Variants in MROH1 observed in about 807,000 individuals in gnomAD.
MROH1 encodes maestro heat like repeat family member 1, also known as maestro heat-like repeat-containing protein family member 1.
MROH1 carries 117 observed loss-of-function variants against 116.5 expected under a neutral mutation model. The ratio of observed to expected loss-of-function variants is 1.00; its 90% CI spans 0.86 to 1.17. The LOEUF (loss-of-function observed/expected upper bound fraction) is 1.17, where lower values mean the gene tolerates loss of function less well. Ranked by LOEUF, MROH1 falls within the 50% of genes most tolerant of loss-of-function variation. The pLI is 0.00. For missense variants in MROH1, 1,873 were observed against 1,338.5 expected (o/e 1.40, Z -6.23); for synonymous variants, 921 against 583.9 (o/e 1.58, Z -8.32).
chr8:144,233,352 C>T (rs1839315458), intron 14 of MROH1, among the ~76,000 whole-genome samples: 1 of 149,536 alleles, frequency 6.7e-6, no homozygotes. Flanking sequence ...CTGCACCCAC[C>T]ATCAACCTTC....
chr8:144,227,159 C>T (rs893771031), intron 14 of MROH1, among the ~76,000 whole-genome samples: 1 of 152,142 alleles, frequency 6.6e-6, no homozygotes, highest in Non-Finnish European at 1.5e-5. Context: ...TTGGGATTTT[C>T]TACATAGAGC....
chr8:144,193,015 A>T (rs982564874), intron 10 of MROH1: 2 of 180,580 alleles, frequency 1.1e-5, no homozygotes, highest in South Asian at 1.0e-4. Flanking sequence ...TCTGCAAGGA[A>T]ACTTTCTGAA....
chr8:144,173,493 C>G (rs1339470884), intron 4 of MROH1, among the ~76,000 whole-genome samples: 1 of 151,164 alleles, frequency 6.6e-6, no homozygotes, highest in East Asian at 1.9e-4. Flanking sequence ...ATGGCGCAAA[C>G]CGGCTCGCTG....
chr8:144,181,002 G>C (rs1380999090), intron 7 of MROH1, among the ~76,000 whole-genome samples: 2 of 152,136 alleles, frequency 1.3e-5, no homozygotes, highest in African/African-American at 2.4e-5. Flanking sequence ...CCTGGACCTT[G>C]GTTTCCCCTG....
At chr8:144,173,396 T>A (rs1822988981) in intron 4 of MROH1, among the ~76,000 whole-genome samples, 1 of 148,228 alleles carries the variant, frequency 6.7e-6, no homozygotes, top group Non-Finnish European at 1.5e-5. Context: ...GATTCTTCTT[T>A]TTTATTTATT....
intron 7 of MROH1, among the ~76,000 whole-genome samples, chr8:144,181,103 G>A (rs1174031318): frequency 6.6e-6 from 1 of 152,158 alleles, no homozygotes; most frequent in African/African-American, 2.4e-5. Context: ...TACCCTTAGT[G>A]CCCTCACAGC....
At chr8:144,201,595 T>C (rs904476447) in intron 12 of MROH1, among the ~76,000 whole-genome samples, 4 of 152,214 alleles carry the variant, frequency 2.6e-5, no homozygotes, top group Non-Finnish European at 5.9e-5. Context: ...ATTTTCTGTC[T>C]GCCCTTTCAG....
chr8:144,202,795 G>GA (rs1831645347), intron 12 of MROH1, among the ~76,000 whole-genome samples: 2 of 94,522 alleles, frequency 2.1e-5, no homozygotes, highest in African/African-American at 4.0e-5. Flanking sequence ...GGGGCTGGGA[G>GA]GGAAGCGCAG....
Position 144,168,320 on chromosome 8 carries a change from C to T in MROH1, c.48C>T (p.Ala16=), listed in dbSNP as rs757774768. ...MKKLASTLLD[A]ITDKDPLVQE... ...AGCTGGCCTCCACCCTGCTGGACGC[C>T]ATCACCGATAAGGACCCCCTGGTGC... The change falls in exon 4 of 44, where the codon GCC becomes GCT. Residue 16 remains alanine (A), a synonymous_variant. Coordinates refer to ENST00000326134, the MANE Select transcript of MROH1 (RefSeq NM_032450.3). 71 of 1,608,146 alleles carry T rather than the reference C, an allele frequency of 4.4e-5. No homozygotes were observed. The highest frequency in any genetic ancestry group is 5.3e-5 in the Non-Finnish European group (62 of 1,179,188).
chr8:144,245,064 G>C, intron 28 of MROH1, 92 bp from the exon 29 acceptor site: 1 of 772,492 alleles, frequency 1.3e-6, no homozygotes, highest in Admixed American at 1.7e-5. Context: ...AGGATGGCCT[G>C]GCAGGGACAC....
rs1843439001 is a variant in MROH1 at position 144,254,984 on chromosome 8, T to C, written c.3594+6T>C. 1.1e-5 allele frequency: 8 copies of C among 749,698 alleles called. No homozygotes were observed. Among genetic ancestry groups the C allele is most frequent in the East Asian group, 7.5e-5 (3 of 39,838 alleles). The allele number at this position is 749,698 out of a possible 1,614,324, so 46.4% of individuals were successfully genotyped here. A position where few individuals can be genotyped will look rare whatever the true frequency, so the allele number is the denominator to read the frequency against. On this transcript the variant is annotated splice_donor_region_variant and intron_variant, in intron 34 of 43. Coordinates refer to ENST00000326134, the MANE Select transcript of MROH1 (RefSeq NM_032450.3). ...CCACGCTGCTGCCTCTCTCGGTGAG[T>C]CGGGCTCTCGGGGCCACCTTGACAC...
rs756000553 is a variant in MROH1 at position 144,191,745 on chromosome 8, C to T, written c.745C>T (p.Pro249Ser). The T allele has an allele frequency of 1.1e-5, 17 of 1,612,866 alleles. No individual in the cohort carries two copies. The highest frequency in any genetic ancestry group is 1.4e-5 in the Non-Finnish European group (16 of 1,179,742). ...TCTTGCCGTGGTGGAGGCTCTGGGG[C>T]CTATGAGCCATCTGCTGCCCAGTGA... is the stretch of plus-strand genomic sequence containing the variant. The part of the protein sequence containing the change: ...LRLAVVEALG[P>S]MSHLLPSERL... Residue 249 changes from proline to serine, a missense_variant, in exon 9 of 44, where the codon CCT becomes TCT. Transcript: ENST00000326134.
At chr8:144,212,221 C>G (rs1224895831) in intron 12 of MROH1, among the ~76,000 whole-genome samples, 1 of 152,044 alleles carries the variant, frequency 6.6e-6, no homozygotes, top group Admixed American at 6.6e-5. Context: ...GTAGCTGGGA[C>G]TTGCAGGTGC....
chr8:144,223,596 C>T (rs936824312), intron 14 of MROH1, among the ~76,000 whole-genome samples: 2 of 152,080 alleles, frequency 1.3e-5, no homozygotes, highest in African/African-American at 4.8e-5. Flanking sequence ...GGACTCAGAA[C>T]GCAGAAGCAG....
At chr8:144,209,636 C>A (rs1833658240) in intron 12 of MROH1, among the ~76,000 whole-genome samples, 1 of 150,232 alleles carries the variant, frequency 6.7e-6, no homozygotes, top group East Asian at 2.0e-4. Flanking sequence ...TGGAAGGGCA[C>A]AGTGGCTCAC....
chr8:144,213,474 G>T, intron 12 of MROH1: 1 of 181,118 alleles, frequency 5.5e-6, no homozygotes, highest in Non-Finnish European at 1.1e-5. Context: ...AATATTGTGT[G>T]GGACATTTTT....
chr8:144,241,316 G>A (rs1168647235), intron 21 of MROH1, 79 bp from the exon 22 acceptor site: 7 of 713,458 alleles, frequency 9.8e-6, no homozygotes, highest in East Asian at 2.7e-5. Context: ...GGGTGTGCCC[G>A]TGTCCACACG....
At position 144,261,712 on chromosome 8, in the gene MROH1, C is replaced by A; in HGVS notation, c.4898C>A (p.Ala1633Asp). Residue 1633 changes from alanine to aspartate, a missense_variant, in exon 44 of 44, where the codon GCC (alanine) becomes GAC (aspartate). Physicochemically the swap from Ala to Asp is moderately radical, Grantham distance 126. Transcript: ENST00000326134. Reference sequence around the variant, plus strand: ...GAGGTGCGGACGAGGGCTGCTGAGGCCCTGGGCCGCCTGGTGAAGCTCGCC... The same window carrying A: ...GAGGTGCGGACGAGGGCTGCTGAGGACCTGGGCCGCCTGGTGAAGCTCGCC... ...APEVRTRAAE[A>D]LGRLVKLA is the part of the protein sequence containing the mutation. 1.4e-6 allele frequency: 1 copy of A among 722,658 alleles called. No homozygotes were observed. The highest frequency in any genetic ancestry group is 2.5e-6 in the Non-Finnish European group (1 of 397,010). The allele number at this position is 722,658 out of a possible 1,614,324, so 44.8% of individuals were successfully genotyped here. A position where few individuals can be genotyped will look rare whatever the true frequency, so the allele number is the denominator to read the frequency against.
Position 144,260,669 on chromosome 8 carries a change from C to T in MROH1, c.4381-8C>T. On this transcript the variant is annotated splice_region_variant and splice_polypyrimidine_tract_variant and intron_variant, in intron 39 of 43. Coordinates refer to ENST00000326134, the MANE Select transcript of MROH1 (RefSeq NM_032450.3). Reference sequence around the variant, plus strand: ...TGTGAGGAGACGTATGCTGCATGTCCTTCCCAGGAGAAGATGGAGTTCCGG... The same window carrying T: ...TGTGAGGAGACGTATGCTGCATGTCTTTCCCAGGAGAAGATGGAGTTCCGG... 1.3e-6 allele frequency: 1 copy of T among 778,564 alleles called. No individual in the cohort carries two copies. The highest frequency in any genetic ancestry group is 2.4e-6 in the Non-Finnish European group (1 of 417,780). 48.2% of individuals were successfully genotyped at this position (778,564 alleles called of 1,614,324 possible).
Sources: gnomAD v4.1 joint callset for allele counts (sites outside exome capture counted in the v4.1 genomes callset) on GRCh38, gnomAD v4.1.1 for gene constraint, MANE v1.5 for transcripts, NCBI Gene and HGNC (gene_info 2026-07-23, HGNC 2026-07-21) for gene names.